ABI3BP: variants seen among roughly 807,000 people sequenced by gnomAD.
ABI3BP encodes ABI family member 3 binding protein.
In ABI3BP, 216 loss-of-function variants were observed where a neutral mutation model predicts 268.6. The ratio of observed to expected loss-of-function variants is 0.80; its 90% CI spans 0.72 to 0.90. The LOEUF (loss-of-function observed/expected upper bound fraction) is 0.90. Ranked by LOEUF, ABI3BP falls within the 40% of genes least tolerant of loss-of-function variation. The probability of loss-of-function intolerance (pLI) is 0.00; values close to 1 mark genes in which losing one functional copy is unlikely to be tolerated. For missense variants in ABI3BP, 2,090 were observed against 2,182.4 expected (o/e 0.96, Z 0.84); for synonymous variants, 730 against 730.0 (o/e 1.00, Z 0.00).
rs80150739 is a variant in ABI3BP, at chr3:100,862,959, G to A, written c.1139-50C>T. The A allele has an allele frequency of 0.016, 21,834 of 1,371,586 alleles. 1,664 individuals are homozygous for A. In the East Asian group the frequency reaches 0.17, roughly 11 times the overall value. The allele number at this position is 1,371,586 out of a possible 1,614,324, so 85.0% of individuals were successfully genotyped here. A position where few individuals can be genotyped will look rare whatever the true frequency, so the allele number is the denominator to read the frequency against. On this transcript the variant is annotated intron_variant, in intron 12 of 67. Transcript: ENST00000471714. ...TTACGACCTGAGGTGAAAGTAACAG[G>A]AAAGATTTTTAAAATTTTAAGCTTG...
chr3:100,776,855 A>G (rs1015628811), intron 59 of ABI3BP, among the ~76,000 whole-genome samples: 9 of 152,234 alleles, frequency 5.9e-5, no homozygotes, highest in Non-Finnish European at 1.3e-4. Context: ...GCCATCAAAC[A>G]GCTCCTTAAG....
chr3:100,926,336 A>G lies in ABI3BP; in HGVS notation c.225T>C (p.Leu75=). Residue 75 remains leucine, a synonymous_variant, in exon 2 of 68, where the codon CTT becomes CTC. Coordinates refer to ENST00000471714, the MANE Select transcript of ABI3BP (RefSeq NM_001375547.2). ...SNVSPNQYFP[L]PAEGKFTEAI... ...CTTCTGTGAATTTCCCTTCAGCGGG[A>G]AGAGGGAAGTACTGGTTTGGTGATA... 1.2e-6 allele frequency: 2 copies of G among 1,613,430 alleles called. No homozygotes were observed. Among genetic ancestry groups the G allele is most frequent in the Non-Finnish European group, 1.7e-6 (2 of 1,179,598 alleles).
At chr3:100,867,745 G>A (rs1041095390) in intron 9 of ABI3BP, among the ~76,000 whole-genome samples, 14 of 151,460 alleles carry the variant, frequency 9.2e-5, no homozygotes, top group Non-Finnish European at 2.1e-4. Flanking sequence ...CCACACATAG[G>A]AAACTAAGCT....
chr3:100,865,728 T>C (rs2099044398), intron 10 of ABI3BP, among the ~76,000 whole-genome samples: 2 of 152,196 alleles, frequency 1.3e-5, no homozygotes, highest in South Asian at 2.1e-4. Flanking sequence ...ACTAAAAACA[T>C]GTAGACTCTC....
chr3:100,881,722 C>T (rs777871152), intron 6 of ABI3BP, among the ~76,000 whole-genome samples: 5 of 150,872 alleles, frequency 3.3e-5, no homozygotes, highest in Non-Finnish European at 5.9e-5. Flanking sequence ...TTTTCTTCCT[C>T]AATCATATGG....
chr3:100,859,694 T>G (rs1473946591), intron 14 of ABI3BP, among the ~76,000 whole-genome samples: 1 of 152,156 alleles, frequency 6.6e-6, no homozygotes, highest in Non-Finnish European at 1.5e-5. Context: ...AAATGTAACG[T>G]AAGTTAGGAA....
At chr3:100,820,995 G>T in intron 39 of ABI3BP, 59 bp downstream of exon 39, 1 of 1,375,534 alleles carries the variant, frequency 7.3e-7, no homozygotes, top group Non-Finnish European at 1.0e-6. Context: ...CTATGATGAT[G>T]GAATGGGTTT....
chr3:100,881,962 T>C (rs544944676), intron 6 of ABI3BP, among the ~76,000 whole-genome samples: 1 of 152,316 alleles, frequency 6.6e-6, no homozygotes, highest in South Asian at 2.1e-4. Flanking sequence ...AATTACAATA[T>C]ATAGTGTAAC....
chr3:100,933,448 C>T (rs762382216), intron 1 of ABI3BP, among the ~76,000 whole-genome samples: 19 of 151,702 alleles, frequency 1.3e-4, no homozygotes, highest in Admixed American at 5.3e-4. Context: ...TTTCATTATA[C>T]AAAATCAAAT....
At chr3:100,927,040 A>G (rs1321916873) in intron 1 of ABI3BP, among the ~76,000 whole-genome samples, 2 of 152,156 alleles carry the variant, frequency 1.3e-5, no homozygotes, top group East Asian at 3.9e-4. Flanking sequence ...CTGGGAGTAC[A>G]TCTGGAAATA....
chr3:100,842,024 G>A lies in ABI3BP; in HGVS notation c.1739C>T (p.Thr580Ile), dbSNP rs2098712393. The A allele has an allele frequency of 6.5e-7, 1 of 1,534,708 alleles. No individual in the cohort carries two copies. The highest frequency in any genetic ancestry group is 1.4e-5 in the African/African-American group (1 of 72,944). ...TATTGTTGACTGTGATGGCAGTAGA[G>A]TCTGAGGTTCTGGGGCTGTAATAAA... ...THTKPAPEPQ[T>I]LLPSQSTIGP... The change falls in exon 21 of 68, where the codon ACT (threonine) becomes ATT (isoleucine). Residue 580 changes from threonine to isoleucine, a missense_variant. Coordinates refer to ENST00000471714, the MANE Select transcript of ABI3BP (RefSeq NM_001375547.2).
intron 54 of ABI3BP, among the ~76,000 whole-genome samples, chr3:100,793,367 T>C (rs886662033): frequency 2.0e-5 from 3 of 151,988 alleles, no homozygotes; most frequent in African/African-American, 4.8e-5. Flanking sequence ...TTTGCCCATA[T>C]TGGATCCAAG....
chr3:100,825,376 A>AT lies in ABI3BP; in HGVS notation c.2662+408dup, dbSNP rs33934845. Among the ~76,000 whole-genome samples, 218 of 149,496 alleles carry AT rather than the reference A, an allele frequency of 1.5e-3. 3 individuals carry two copies. The highest frequency in any genetic ancestry group is 7.8e-3 in the Admixed American group (117 of 14,992). On this transcript the variant is annotated intron_variant, in intron 35 of 67. Transcript: ENST00000471714. ...TAATAAAGAAAGAAACATACTGGGC[A>AT]TTTTTTTTTTTTTAAATCTAGAAAC... is the stretch of plus-strand genomic sequence containing the variant.
In ABI3BP at chr3:100,893,398, A is replaced by G. The variant is rs574165889; in HGVS notation, c.461+5364T>C. On this transcript the variant is annotated intron_variant, in intron 4 of 67. Transcript: ENST00000471714. ...AACAAACTCCCCTTCATGTATATACATCTCTCCTATTAATCCTGTCCCTCT... is the reference window on the plus strand; with the variant it reads ...AACAAACTCCCCTTCATGTATATACGTCTCTCCTATTAATCCTGTCCCTCT... Among the ~76,000 whole-genome samples, 4 of 152,266 alleles carry G rather than the reference A, an allele frequency of 2.6e-5. No homozygotes were observed. In the South Asian group the frequency reaches 8.3e-4, roughly 32 times the overall value.
chr3:100,873,408 C>T (rs531087353), intron 9 of ABI3BP, among the ~76,000 whole-genome samples: 3 of 151,946 alleles, frequency 2.0e-5, no homozygotes, highest in East Asian at 1.9e-4. Context: ...TCTTTTTTCC[C>T]CCAGTAAGTC....
At position 100,934,093 on chromosome 3, in the gene ABI3BP, A is replaced by C. The variant is rs763085714; in HGVS notation, c.80-7612T>G. On this transcript the variant is annotated intron_variant, in intron 1 of 67. Coordinates refer to ENST00000471714, the MANE Select transcript of ABI3BP (RefSeq NM_001375547.2). Reference sequence around the variant, plus strand: ...GGTTTGCTGCACCTATCAAGCCATCATCTACATTAGGTATTTCTCCTAATG... The same window carrying C: ...GGTTTGCTGCACCTATCAAGCCATCCTCTACATTAGGTATTTCTCCTAATG... Among the ~76,000 whole-genome samples, 198 of 152,056 alleles carry C rather than the reference A, an allele frequency of 1.3e-3. 1 individual carries two copies. The highest frequency in any genetic ancestry group is 5.2e-3 in the Admixed American group (80 of 15,244).
intron 1 of ABI3BP, among the ~76,000 whole-genome samples, chr3:100,958,154 G>A (rs1045537667): frequency 1.3e-5 from 2 of 152,130 alleles, no homozygotes; most frequent in Non-Finnish European, 2.9e-5. Flanking sequence ...CTGAATATAA[G>A]ACAATGAGTT....
At chr3:100,822,739 T>C in intron 37 of ABI3BP, 67 bp from the exon 38 acceptor site, 16 of 1,381,898 alleles carry the variant, frequency 1.2e-5, no homozygotes, top group Non-Finnish European at 1.6e-5. Context: ...CTGTGTGAGG[T>C]AAAAAAACAT....
At chr3:100,839,752 A>G (rs2098663675) in intron 23 of ABI3BP, 136 bp from the exon 24 acceptor site, 1 of 976,372 alleles carries the variant, frequency 1.0e-6, no homozygotes, top group Non-Finnish European at 1.6e-6. Context: ...TACAGTTCCC[A>G]TTTTCCTTTC....
Sources: gnomAD v4.1 joint callset for allele counts (sites outside exome capture counted in the v4.1 genomes callset) on GRCh38, gnomAD v4.1.1 for gene constraint, MANE v1.5 for transcripts, NCBI Gene and HGNC (gene_info 2026-07-23, HGNC 2026-07-21) for gene names.